The following PHF7 variants were observed in gnomAD, a reference collection of about 807,000 sequenced individuals.
The protein encoded by PHF7 is PHD finger protein 7.
Under a neutral mutation model 47.5 loss-of-function variants are expected in PHF7, and 24 were observed. The ratio of observed to expected loss-of-function variants is 0.51; its 90% CI spans 0.37 to 0.71. The LOEUF is 0.71. PHF7 is among the 30% of genes least tolerant of loss of function. The pLI is 0.00. For missense variants in PHF7, 361 were observed against 456.8 expected (o/e 0.79, Z 1.91); for synonymous variants, 156 against 153.8 (o/e 1.01, Z -0.11).
chr3:52,419,642 A>G (rs1377053272), intron 4 of PHF7, among the ~76,000 whole-genome samples, 191 bp from the exon 5 acceptor site: 5 of 152,044 alleles, frequency 3.3e-5, no homozygotes, highest in African/African-American at 1.2e-4. Context: ...CGTGTTAGCC[A>G]GGATGGTCTC....
intron 5 of PHF7, 185 bp downstream of exon 5, chr3:52,420,119 C>A: frequency 1.3e-6 from 1 of 787,566 alleles, no homozygotes; most frequent in Non-Finnish European, 2.2e-6. Context: ...GAGGGAGAAA[C>A]ATCTTGAGAA....
chr3:52,419,965 G>C (rs1277344238), intron 5 of PHF7, 31 bp downstream of exon 5: 1 of 1,305,260 alleles, frequency 7.7e-7, no homozygotes, highest in Non-Finnish European at 1.1e-6. Flanking sequence ...GGACCTTGGG[G>C]TAGGCCTCTT....
At position 52,423,303 on chromosome 3, in the gene PHF7, A is replaced by AAAAAATCCAAGTAAC; in HGVS notation, c.1134_*2dup. 6.2e-7 allele frequency: 1 copy of AAAAAATCCAAGTAAC among 1,610,672 alleles called. No homozygotes were observed. Among genetic ancestry groups the AAAAAATCCAAGTAAC allele is most frequent in the Non-Finnish European group, 8.5e-7 (1 of 1,177,028 alleles). On this transcript the variant is annotated stop_gained and inframe_insertion, in exon 11 of 11. Transcript: ENST00000327906. LOFTEE classifies it high-confidence loss of function. ...GGGTGTCAGAATCACTAACAGCTGC[A>AAAAAATCCAAGTAAC]AAAAATCCAAGTAACACCTTCTGAG... is the stretch of plus-strand genomic sequence containing the variant.
Position 52,420,393 on chromosome 3 carries a change from G to A in PHF7, c.371G>A (p.Gly124Asp), listed in dbSNP as rs926982433. 6.2e-6 allele frequency: 10 copies of A among 1,614,064 alleles called. No homozygotes were observed. The highest frequency in any genetic ancestry group is 8.5e-6 in the Non-Finnish European group (10 of 1,179,944). The part of the protein sequence containing the change: ...QCLRNFHLPC[G>D]QERGCLSQFF... ...CTCAGAAACTTCCATCTGCCTTGTG[G>A]CCAAGAAAGGGGTTGCCTTTCACAA... Residue 124 changes from glycine (G) to aspartate (D), a missense_variant, in exon 6 of 11, where the codon GGC becomes GAC. Gly to Asp is a moderately conservative substitution (Grantham distance 94, BLOSUM62 -1). Transcript: ENST00000327906.
At position 52,422,223 on chromosome 3, in the gene PHF7, G is replaced by C. The variant is rs1294994118; in HGVS notation, c.682G>C (p.Asp228His). ...TCACTGTTTCTTCTCCCACTGCAGAGATGCTGCCTGGGAACTCGAGCCAGG... is the reference window on the plus strand; with the variant it reads ...TCACTGTTTCTTCTCCCACTGCAGACATGCTGCCTGGGAACTCGAGCCAGG... ...LRMGIHIPDR[D>H]AAWELEPGAF... Residue 228 changes from aspartate (D) to histidine (H), a missense_variant and splice_region_variant, in exon 9 of 11, where the codon GAT becomes CAT. Physicochemically the swap from Asp to His is moderately conservative, Grantham distance 81. Transcript: ENST00000327906. 1.9e-6 allele frequency: 3 copies of C among 1,601,446 alleles called. No homozygotes were observed. In the South Asian group the frequency reaches 3.3e-5, roughly 18 times the overall value.
intron 4 of PHF7, among the ~76,000 whole-genome samples, chr3:52,416,405 C>T (rs1357909463): frequency 1.3e-5 from 2 of 150,150 alleles, no homozygotes; most frequent in South Asian, 2.2e-4. Flanking sequence ...AGGATGGTCT[C>T]GATCTCTTGA....
intron 4 of PHF7, among the ~76,000 whole-genome samples, chr3:52,416,852 T>A (rs1345994713): frequency 6.8e-6 from 1 of 147,862 alleles, no homozygotes; most frequent in African/African-American, 2.5e-5. Flanking sequence ...AAAAAAAAAT[T>A]GAGTGGTTTT....
At chr3:52,417,886 T>C (rs551778294) in intron 4 of PHF7, among the ~76,000 whole-genome samples, 2 of 152,354 alleles carry the variant, frequency 1.3e-5, no homozygotes, top group South Asian at 2.1e-4. Context: ...AGTTTTTCAC[T>C]ATTAAAGTAT....
At chr3:52,414,356 C>G (rs1705556228) in intron 3 of PHF7, 140 bp from the exon 4 acceptor site, 1 of 666,104 alleles carries the variant, frequency 1.5e-6, no homozygotes, top group African/African-American at 1.8e-5. Flanking sequence ...AAGACCTCAT[C>G]CCAACCTTCC....
chr3:52,416,207 A>T (rs1377719138), intron 4 of PHF7, among the ~76,000 whole-genome samples: 2 of 141,390 alleles, frequency 1.4e-5, no homozygotes, highest in African/African-American at 2.6e-5. Context: ...TTTTTTTGAG[A>T]TGGAGTCTCG....
In PHF7 at chr3:52,416,433, C is replaced by T. The variant is rs370965847; in HGVS notation, c.186+1846C>T. Among the ~76,000 whole-genome samples the T allele has an allele frequency of 8.3e-4, 126 of 151,476 alleles. 3 individuals are homozygous for T. The East Asian group carries it at 0.021, about 26-fold the overall frequency. Reference sequence around the variant, plus strand: ...TCTCTTGACCTCGTGATCTGCCCACCTCGGCCTCCCAAAGTGCTGGGATTA... The same window carrying T: ...TCTCTTGACCTCGTGATCTGCCCACTTCGGCCTCCCAAAGTGCTGGGATTA... On this transcript the variant is annotated intron_variant, in intron 4 of 10. Coordinates refer to ENST00000327906, the MANE Select transcript of PHF7 (RefSeq NM_016483.7).
At chr3:52,414,096 C>T (rs1260127043) in intron 3 of PHF7, 48 bp downstream of exon 3, 5 of 1,266,744 alleles carry the variant, frequency 3.9e-6, no homozygotes, top group African/African-American at 1.5e-5. Flanking sequence ...CAGCCCTCAG[C>T]AAAGAAGGCC....
At chr3:52,413,195 C>T (rs1705512611) in intron 2 of PHF7, among the ~76,000 whole-genome samples, 2 of 152,184 alleles carry the variant, frequency 1.3e-5, no homozygotes, top group African/African-American at 4.8e-5. Context: ...CCTCAGTTTC[C>T]TCATCTGGAA....
intron 9 of PHF7, 65 bp downstream of exon 9, chr3:52,422,403 C>G (rs1705820089): frequency 4.8e-6 from 5 of 1,036,080 alleles, no homozygotes; most frequent in Non-Finnish European, 7.6e-6. Context: ...GACCTTGGCA[C>G]AGTTATTAGA....
chr3:52,422,097 A>T (rs1705808088), intron 8 of PHF7, 125 bp from the exon 9 acceptor site: 1 of 740,318 alleles, frequency 1.4e-6, no homozygotes, highest in Non-Finnish European at 2.5e-6. Context: ...GCCTTGTTGG[A>T]AGTGTTCAGG....
Position 52,423,446 on chromosome 3 carries a change from CA to C in PHF7, c.*132del, listed in dbSNP as rs369376672. On this transcript the variant is annotated 3_prime_UTR_variant, in exon 11 of 11. Transcript: ENST00000327906. The stretch of plus-strand genomic sequence containing the variant: ...GCCAGCAGTGAGACTATGAGCCAAG[CA>C]AAGAGAAGTCTCAGTGGAGCATGAG... 162 of 631,112 alleles carry C rather than the reference CA, an allele frequency of 2.6e-4. 2 individuals are homozygous for C. In the East Asian group the frequency reaches 3.7e-3, roughly 14 times the overall value. The allele number at this position is 631,112 out of a possible 1,614,324, so 39.1% of individuals were successfully genotyped here. A position where few individuals can be genotyped will look rare whatever the true frequency, so the allele number is the denominator to read the frequency against.
chr3:52,422,092 G>T, intron 8 of PHF7, 130 bp from the exon 9 acceptor site: 1 of 732,084 alleles, frequency 1.4e-6, no homozygotes, highest in Non-Finnish European at 2.5e-6. Flanking sequence ...GGCCAGCCTT[G>T]TTGGAAGTGT....
chr3:52,417,559 T>C (rs988226785), intron 4 of PHF7, among the ~76,000 whole-genome samples: 2 of 152,226 alleles, frequency 1.3e-5, no homozygotes, highest in African/African-American at 4.8e-5. Context: ...TAAATAGTAT[T>C]TTTATTTCAT....
chr3:52,418,367 T>C (rs1344021856), intron 4 of PHF7, among the ~76,000 whole-genome samples: 9 of 152,212 alleles, frequency 5.9e-5, no homozygotes, highest in Admixed American at 5.9e-4. Flanking sequence ...TTTGGAAATC[T>C]TTCTGTATAG....
Sources: gnomAD v4.1 joint callset for allele counts (sites outside exome capture counted in the v4.1 genomes callset) on GRCh38, gnomAD v4.1.1 for gene constraint, MANE v1.5 for transcripts, NCBI Gene and HGNC (gene_info 2026-07-23, HGNC 2026-07-21) for gene names.